Variants in ANAPC10 observed in about 807,000 individuals in gnomAD.
ANAPC10 encodes the protein anaphase promoting complex subunit 10.
A neutral mutation model predicts 22.0 loss-of-function variants in ANAPC10; 12 were observed. The observed-to-expected ratio is 0.55, with a 90% CI of 0.35 to 0.88. ANAPC10 has a LOEUF of 0.88. Among genes scored for constraint, ANAPC10 ranks in the 40% least tolerant of loss-of-function variants. The pLI is 0.01. For missense variants in ANAPC10, 188 were observed against 220.9 expected, an observed-to-expected ratio of 0.85 and a Z score of 0.94; for synonymous variants, 65 against 69.5, an observed-to-expected ratio of 0.94 and a Z score of 0.32.
chr4:145,064,266 T>C (rs1485160441), intron 4 of ANAPC10: 1 of 180,806 alleles, frequency 5.5e-6, no homozygotes, highest in Non-Finnish European at 1.1e-5. Flanking sequence ...GGACAGATTG[T>C]AATAAAGCAA....
Position 145,037,845 on chromosome 4 carries a change from G to A in ANAPC10, c.327+26727C>T, listed in dbSNP as rs145838340. On this transcript the variant is annotated intron_variant, in intron 4 of 4. Transcript: ENST00000507656. ...GCCAGTAGTCTCAGCTACTCAGGAG[G>A]CTGAGGCAGGAGGATCGATTGAACC... 1.6e-3 allele frequency among the ~76,000 whole-genome samples: 238 copies of A among 151,568 alleles called. 1 individual carries two copies. Among genetic ancestry groups the A allele is most frequent in the African/African-American group, 5.1e-3 (210 of 41,252 alleles).
intron 4 of ANAPC10, among the ~76,000 whole-genome samples, chr4:145,007,462 A>G (rs1413222860): frequency 6.6e-6 from 1 of 151,590 alleles, no homozygotes; most frequent in Non-Finnish European, 1.5e-5. Context: ...ATGCAATCAA[A>G]TCACAACAAA....
At position 145,016,976 on chromosome 4, in the gene ANAPC10, T is replaced by C. The variant is rs1385846777; in HGVS notation, c.328-21373A>G. On this transcript the variant is annotated intron_variant, in intron 4 of 4. Transcript: ENST00000507656. ...ACCTTACACAAAAATTAATTCAAGA[T>C]GGATTAAAGACTTAAATGTTAGACC... is the stretch of plus-strand genomic sequence containing the variant. 2.6e-5 allele frequency among the ~76,000 whole-genome samples: 4 copies of C among 152,166 alleles called. 1 individual carries two copies. The highest frequency in any genetic ancestry group is 5.9e-5 in the Non-Finnish European group (4 of 68,042).
chr4:145,001,654 C>A (rs543580362), intron 4 of ANAPC10, among the ~76,000 whole-genome samples: 5 of 152,184 alleles, frequency 3.3e-5, no homozygotes, highest in Admixed American at 2.6e-4. Context: ...TGAATAGGAA[C>A]CACCCACCAC....
chr4:145,026,213 T>C (rs141148477), intron 4 of ANAPC10, among the ~76,000 whole-genome samples: 1 of 152,314 alleles, frequency 6.6e-6, no homozygotes, highest in East Asian at 1.9e-4. Flanking sequence ...AAAAGACCTA[T>C]ACATAATGAT....
intron 4 of ANAPC10, among the ~76,000 whole-genome samples, chr4:144,997,207 G>C (rs1385088892): frequency 6.6e-6 from 1 of 152,138 alleles, no homozygotes; most frequent in African/African-American, 2.4e-5. Context: ...AGCAAGGCAG[G>C]CCAACATTTA....
At chr4:145,081,872 A>T (rs574388588) in intron 2 of ANAPC10, 122 bp from the exon 3 acceptor site, 3 of 725,266 alleles carry the variant, frequency 4.1e-6, no homozygotes, top group East Asian at 2.9e-5. Context: ...AGAAATATTA[A>T]TTTTTTTTTA....
At chr4:145,063,163 G>A (rs1471968063) in intron 4 of ANAPC10, among the ~76,000 whole-genome samples, 1 of 152,036 alleles carries the variant, frequency 6.6e-6, no homozygotes, top group Non-Finnish European at 1.5e-5. Flanking sequence ...GATTTTGAGA[G>A]TTCTCACCAC....
intron 4 of ANAPC10, chr4:145,035,505 CA>C (rs1167492238): frequency 7.2e-5 from 11 of 152,300 alleles, no homozygotes; most frequent in African/African-American, 2.7e-4. Flanking sequence ...GCCAGGCCTA[CA>C]ACTGACCCTC....
chr4:145,018,124 A>T (rs1091617), intron 4 of ANAPC10, among the ~76,000 whole-genome samples: 49,812 of 147,832 alleles, frequency 0.34, 10,152 homozygotes, highest in East Asian at 0.56. Context: ...TAATAAAAAA[A>T]ATATATATAT....
intron 4 of ANAPC10, among the ~76,000 whole-genome samples, chr4:145,020,981 C>A (rs1228101346): frequency 6.6e-6 from 1 of 151,964 alleles, no homozygotes; most frequent in Non-Finnish European, 1.5e-5. Context: ...ATCCCATGTT[C>A]ATGGAATGGT....
In ANAPC10 at chr4:145,053,043, G is replaced by GA. The variant is rs11455854; in HGVS notation, c.327+11528dup. On this transcript the variant is annotated intron_variant, in intron 4 of 4. Transcript: ENST00000507656. ...GCTAAGTGTGCCAGGCAAACCCTAA[G>GA]AAACCTTATCCTGACTGATGAGGAA... Among the ~76,000 whole-genome samples the GA allele has an allele frequency of 4.4e-3, 663 of 152,190 alleles. 3 individuals are homozygous for GA. The highest frequency in any genetic ancestry group is 0.015 in the African/African-American group (609 of 41,532).
intron 3 of ANAPC10, among the ~76,000 whole-genome samples, chr4:145,066,771 C>A (rs1743757705): frequency 5.9e-5 from 1 of 16,968 alleles, no homozygotes. Flanking sequence ...CTTCATTTTT[C>A]TGATTTAAAA....
At chr4:145,039,196 T>C (rs1739121075) in intron 4 of ANAPC10, among the ~76,000 whole-genome samples, 2 of 152,132 alleles carry the variant, frequency 1.3e-5, no homozygotes, top group Admixed American at 6.5e-5. Flanking sequence ...ATAAAAACAA[T>C]GAGGAAGTGG....
At position 144,999,767 on chromosome 4, in the gene ANAPC10, A is replaced by G. The variant is rs536527679; in HGVS notation, c.328-4164T>C. On this transcript the variant is annotated intron_variant, in intron 4 of 4. Transcript: ENST00000507656. The stretch of plus-strand genomic sequence containing the variant: ...CAAGACAATCCTACGCAAAAAGAAC[A>G]AAGTTGGAGGCATCATGCTACCTCA... Among the ~76,000 whole-genome samples, 9 of 152,344 alleles carry G rather than the reference A, an allele frequency of 5.9e-5. No individual in the cohort carries two copies. The South Asian group carries it at 1.7e-3, about 28-fold the overall frequency.
intron 4 of ANAPC10, among the ~76,000 whole-genome samples, chr4:145,009,967 A>C (rs1734030503): frequency 6.6e-6 from 1 of 152,216 alleles, no homozygotes; most frequent in Non-Finnish European, 1.5e-5. Flanking sequence ...AACTTAAACA[A>C]ATTTACAAGA....
chr4:145,036,556 C>A (rs543722042), intron 4 of ANAPC10, among the ~76,000 whole-genome samples: 118 of 152,132 alleles, frequency 7.8e-4, no homozygotes, highest in African/African-American at 2.7e-3. Context: ...ACTATGTTGT[C>A]CAAGCTGGCC....
intron 1 of ANAPC10, 47 bp from the exon 2 acceptor site, chr4:145,096,158 C>G (rs756377117): frequency 6.3e-7 from 1 of 1,577,828 alleles, no homozygotes; most frequent in East Asian, 2.2e-5. Flanking sequence ...AACTGGGCAT[C>G]TTTCTACAAA....
chr4:145,081,341 G>A (rs1222687270), intron 3 of ANAPC10, among the ~76,000 whole-genome samples: 3 of 151,882 alleles, frequency 2.0e-5, no homozygotes, highest in Non-Finnish European at 4.4e-5. Context: ...ATACATTAAG[G>A]TATTGTATTG....
Sources: gnomAD v4.1 joint callset for allele counts (sites outside exome capture counted in the v4.1 genomes callset) on GRCh38, gnomAD v4.1.1 for gene constraint, MANE v1.5 for transcripts, NCBI Gene and HGNC (gene_info 2026-07-23, HGNC 2026-07-21) for gene names.